CACNA2D3: variants seen among roughly 807,000 people sequenced by gnomAD.
CACNA2D3 encodes voltage-dependent calcium channel subunit alpha-2/delta-3.
In CACNA2D3, 60 loss-of-function variants were observed where a neutral mutation model predicts 160.6. The ratio of observed to expected loss-of-function variants is 0.37; its 90% CI spans 0.30 to 0.46. The LOEUF is 0.46. CACNA2D3 is among the 20% of genes least tolerant of loss of function. The pLI is 1.00. For synonymous variants in CACNA2D3, 558 were observed against 492.9 expected, an observed-to-expected ratio of 1.13 and a Z score of -1.75; for missense variants, 1,205 against 1,365.0, an observed-to-expected ratio of 0.88 and a Z score of 1.85.
chr3:54,645,971 A>T (rs1699626655), intron 11 of CACNA2D3, among the ~76,000 whole-genome samples: 1 of 151,266 alleles, frequency 6.6e-6, no homozygotes. Context: ...GTCCTGTGTA[A>T]TCTCTTTACC....
chr3:54,545,795 C>A (rs1319670092), intron 5 of CACNA2D3, among the ~76,000 whole-genome samples: 2 of 152,176 alleles, frequency 1.3e-5, no homozygotes, highest in African/African-American at 4.8e-5. Flanking sequence ...TGTGACAATA[C>A]TGGAAACTTG....
chr3:54,776,269 T>A (rs762981720), intron 13 of CACNA2D3, among the ~76,000 whole-genome samples: 2 of 152,172 alleles, frequency 1.3e-5, no homozygotes, highest in Non-Finnish European at 2.9e-5. Flanking sequence ...ATTCCAGCAC[T>A]TAGCGAGGCT....
intron 35 of CACNA2D3, among the ~76,000 whole-genome samples, chr3:55,045,804 ACAGT>A (rs2107197772): frequency 6.6e-6 from 1 of 152,194 alleles, no homozygotes; most frequent in African/African-American, 2.4e-5. Flanking sequence ...AATAGATAAA[ACAGT>A]CTAAAAGTTT....
At chr3:54,437,086 C>G (rs1372046712) in intron 4 of CACNA2D3, among the ~76,000 whole-genome samples, 1 of 152,132 alleles carries the variant, frequency 6.6e-6, no homozygotes, top group Non-Finnish European at 1.5e-5. Context: ...GGTAATTCTC[C>G]TTTTTGGCAT....
chr3:54,290,981 A>G (rs1703185671), intron 2 of CACNA2D3, among the ~76,000 whole-genome samples: 2 of 152,210 alleles, frequency 1.3e-5, no homozygotes, highest in Admixed American at 6.5e-5. Context: ...TGGGTGCAGC[A>G]CACCAACATG....
At chr3:54,934,167 G>A (rs532475407) in intron 27 of CACNA2D3, among the ~76,000 whole-genome samples, 1 of 152,290 alleles carries the variant, frequency 6.6e-6, no homozygotes, top group Non-Finnish European at 1.5e-5. Context: ...GCAAACACAT[G>A]GATTGTGAGT....
intron 27 of CACNA2D3, 64 bp downstream of exon 27, chr3:54,899,932 GCTACTTCTGT>G (rs1296307253): frequency 8.3e-7 from 1 of 1,207,812 alleles, no homozygotes; most frequent in African/African-American, 1.5e-5. Flanking sequence ...CGGCCAGTGG[GCTACTTCTGT>G]GAGGCACGCT....
At position 54,240,493 on chromosome 3, in the gene CACNA2D3, C is replaced by T. The variant is rs13319005; in HGVS notation, c.205-79949C>T. ...AGGATGATTTTCTTTGTGAGAGGCA[C>T]CTACTCGGAATGCTAATTAGGCGAA... On this transcript the variant is annotated intron_variant, in intron 2 of 37. Transcript: ENST00000474759. Among the ~76,000 whole-genome samples the T allele has an allele frequency of 3.6e-3, 542 of 152,226 alleles. 4 individuals are homozygous for T. Among genetic ancestry groups the T allele is most frequent in the Middle Eastern group, 0.01 (3 of 294 alleles).
At chr3:54,732,379 C>T (rs1470170841) in intron 11 of CACNA2D3, among the ~76,000 whole-genome samples, 1 of 152,102 alleles carries the variant, frequency 6.6e-6, no homozygotes, top group African/African-American at 2.4e-5. Context: ...CTTTGGTGGC[C>T]CATGACTGAC....
chr3:54,845,001 C>T (rs778600957), intron 16 of CACNA2D3, among the ~76,000 whole-genome samples: 13 of 152,212 alleles, frequency 8.5e-5, no homozygotes, highest in Non-Finnish European at 1.6e-4. Flanking sequence ...ATTAATGCAG[C>T]GTTGACTGTG....
At chr3:54,387,432 G>A (rs141276325) in intron 4 of CACNA2D3, among the ~76,000 whole-genome samples, 7 of 152,192 alleles carry the variant, frequency 4.6e-5, no homozygotes, top group Admixed American at 1.3e-4. Flanking sequence ...CAGGTGCATC[G>A]CTTGAGGCCA....
chr3:54,428,877 T>C (rs1699947249), intron 4 of CACNA2D3, among the ~76,000 whole-genome samples: 1 of 152,244 alleles, frequency 6.6e-6, no homozygotes, highest in South Asian at 2.1e-4. Flanking sequence ...TTGATTTTCC[T>C]TTTTACAGAT....
chr3:54,389,156 A>T (rs749400588), intron 4 of CACNA2D3, among the ~76,000 whole-genome samples: 32 of 152,176 alleles, frequency 2.1e-4, no homozygotes, highest in Non-Finnish European at 3.8e-4. Flanking sequence ...TTAGCCGGGC[A>T]TGGTGGCAGG....
At chr3:54,508,988 A>G (rs1396945091) in intron 5 of CACNA2D3, among the ~76,000 whole-genome samples, 4 of 152,236 alleles carry the variant, frequency 2.6e-5, no homozygotes, top group South Asian at 4.1e-4. Context: ...CAGAGTATGC[A>G]GGCTGCTGGA....
intron 2 of CACNA2D3, among the ~76,000 whole-genome samples, chr3:54,148,845 TG>T (rs759172076): frequency 6.6e-6 from 1 of 151,634 alleles, no homozygotes; most frequent in Non-Finnish European, 1.5e-5. Flanking sequence ...GGTGTGGTGG[TG>T]GGCATCTGTA....
At chr3:54,205,796 G>A (rs1027843140) in intron 2 of CACNA2D3, among the ~76,000 whole-genome samples, 3 of 152,148 alleles carry the variant, frequency 2.0e-5, no homozygotes, top group African/African-American at 7.2e-5. Flanking sequence ...AAAGGGTTGC[G>A]GTGGAGGATG....
chr3:54,131,537 G>A (rs1247169711), intron 2 of CACNA2D3, among the ~76,000 whole-genome samples: 1 of 152,216 alleles, frequency 6.6e-6, no homozygotes, highest in African/African-American at 2.4e-5. Flanking sequence ...CAGCATTTCA[G>A]TTGTTTAGGA....
At chr3:54,425,462 G>A (rs184161868) in intron 4 of CACNA2D3, among the ~76,000 whole-genome samples, 1 of 152,348 alleles carries the variant, frequency 6.6e-6, no homozygotes, top group Admixed American at 6.5e-5. Context: ...GATAAAATGA[G>A]AGAGGAATCT....
intron 5 of CACNA2D3, among the ~76,000 whole-genome samples, chr3:54,507,701 A>G (rs960760783): frequency 1.3e-5 from 2 of 152,182 alleles, no homozygotes; most frequent in African/African-American, 4.8e-5. Context: ...TAAGGCCTGG[A>G]AATGTCTGGG....
Sources: gnomAD v4.1 joint callset for allele counts (sites outside exome capture counted in the v4.1 genomes callset) on GRCh38, gnomAD v4.1.1 for gene constraint, MANE v1.5 for transcripts, NCBI Gene and HGNC (gene_info 2026-07-23, HGNC 2026-07-21) for gene names.